CSMD1: variants seen among roughly 807,000 people sequenced by gnomAD.
CSMD1 encodes CUB and sushi domain-containing protein 1.
CSMD1 carries 213 observed loss-of-function variants against 417.5 expected under a neutral mutation model. That is an observed-to-expected ratio of 0.51 (90% CI 0.46 to 0.57). The LOEUF (loss-of-function observed/expected upper bound fraction) is 0.57, where lower values mean the gene tolerates loss of function less well. CSMD1 is among the 20% of genes least tolerant of loss of function. CSMD1 has a pLI of 0.00. For synonymous variants in CSMD1, 2,862 were observed against 1,736.8 expected (o/e 1.65, Z -16.11); for missense variants, 6,923 against 4,529.7 (o/e 1.53, Z -15.17).
At chr8:3,893,875 T>C (rs978248234) in intron 5 of CSMD1, among the ~76,000 whole-genome samples, 2 of 152,080 alleles carry the variant, frequency 1.3e-5, no homozygotes, top group Non-Finnish European at 2.9e-5. Context: ...ACACCCCTGG[T>C]TGGAGATTTA....
chr8:3,182,192 A>T (rs146722593), intron 36 of CSMD1, among the ~76,000 whole-genome samples: 32 of 152,328 alleles, frequency 2.1e-4, no homozygotes, highest in African/African-American at 6.7e-4. Context: ...ACATTATTGA[A>T]AAGATAAGAT....
chr8:4,904,956 T>C lies in CSMD1; in HGVS notation c.85+89376A>G, dbSNP rs77882784. ...AGGGCCTCTTTGGGACAAGGGACCATGCCGCCGCTTCAACCAACATAGTAC... is the reference window on the plus strand; with the variant it reads ...AGGGCCTCTTTGGGACAAGGGACCACGCCGCCGCTTCAACCAACATAGTAC... On this transcript the variant is annotated intron_variant, in intron 1 of 69. Coordinates refer to ENST00000635120, the MANE Select transcript of CSMD1 (RefSeq NM_033225.6). Among the ~76,000 whole-genome samples the C allele has an allele frequency of 7.7e-3, 1,176 of 152,264 alleles. 6 individuals are homozygous for C. The highest frequency in any genetic ancestry group is 0.014 in the Middle Eastern group (4 of 294).
intron 10 of CSMD1, among the ~76,000 whole-genome samples, chr8:3,547,366 A>G (rs974580553): frequency 3.3e-5 from 5 of 152,216 alleles, no homozygotes; most frequent in Non-Finnish European, 5.9e-5. Flanking sequence ...AAATATCAAA[A>G]CCATTTAGTT....
chr8:3,700,200 C>T (rs74405538), intron 7 of CSMD1, among the ~76,000 whole-genome samples: 2,810 of 152,242 alleles, frequency 0.018, 81 homozygotes, highest in African/African-American at 0.065. Flanking sequence ...CACAAATCAC[C>T]ACTGAAGAGC....
intron 50 of CSMD1, among the ~76,000 whole-genome samples, chr8:3,038,590 T>G (rs774482319): frequency 2.6e-5 from 4 of 152,230 alleles, no homozygotes; most frequent in Non-Finnish European, 4.4e-5. Context: ...TTTCACATGT[T>G]GCCTGCTTTT....
chr8:2,946,492 T>G (rs1429947561), intron 68 of CSMD1, among the ~76,000 whole-genome samples: 3 of 152,202 alleles, frequency 2.0e-5, no homozygotes, highest in African/African-American at 4.8e-5. Context: ...CATAGACTAT[T>G]TGGCCTTTTT....
chr8:3,539,184 G>A (rs762415504), intron 10 of CSMD1, among the ~76,000 whole-genome samples: 1 of 152,060 alleles, frequency 6.6e-6, no homozygotes, highest in African/African-American at 2.4e-5. Flanking sequence ...TCTTGCATTT[G>A]CTGTAATTTA....
chr8:4,407,324 A>G (rs1033745673), intron 3 of CSMD1, among the ~76,000 whole-genome samples: 3 of 152,246 alleles, frequency 2.0e-5, no homozygotes, highest in African/African-American at 7.2e-5. Flanking sequence ...AAGGGATGAA[A>G]TGAAAACATA....
At chr8:4,049,982 T>C (rs1798339838) in intron 3 of CSMD1, among the ~76,000 whole-genome samples, 1 of 152,220 alleles carries the variant, frequency 6.6e-6, no homozygotes, top group African/African-American at 2.4e-5. Context: ...GGGCAGCTTC[T>C]CGGACCTCCC....
At chr8:4,841,653 G>A (rs1263677318) in intron 1 of CSMD1, among the ~76,000 whole-genome samples, 6 of 152,112 alleles carry the variant, frequency 3.9e-5, no homozygotes, top group Admixed American at 1.3e-4. Flanking sequence ...GCTCACGCCT[G>A]TAATCCCAGC....
chr8:3,954,657 T>C (rs1036695545), intron 5 of CSMD1, among the ~76,000 whole-genome samples: 12 of 152,218 alleles, frequency 7.9e-5, no homozygotes, highest in Admixed American at 2.0e-4. Flanking sequence ...CCACCGCACC[T>C]GGCCGGATCC....
At chr8:3,547,174 C>G (rs1297742448) in intron 10 of CSMD1, among the ~76,000 whole-genome samples, 4 of 152,206 alleles carry the variant, frequency 2.6e-5, no homozygotes, top group Non-Finnish European at 5.9e-5. Flanking sequence ...AGATGAATAC[C>G]TTGTCTTACA....
intron 4 of CSMD1, among the ~76,000 whole-genome samples, chr8:4,006,019 T>A (rs1002250432): frequency 6.6e-6 from 1 of 152,028 alleles, no homozygotes; most frequent in Admixed American, 6.5e-5. Flanking sequence ...GAAAACACAA[T>A]ATTTAGGACA....
At chr8:3,919,348 T>C (rs1293356589) in intron 5 of CSMD1, among the ~76,000 whole-genome samples, 2 of 152,238 alleles carry the variant, frequency 1.3e-5, no homozygotes, top group East Asian at 1.9e-4. Context: ...TTCATTCCTC[T>C]GCACGACATA....
At chr8:3,695,580 G>A (rs971137710) in intron 7 of CSMD1, among the ~76,000 whole-genome samples, 4 of 152,068 alleles carry the variant, frequency 2.6e-5, no homozygotes, top group African/African-American at 9.7e-5. Flanking sequence ...ATATTATTTT[G>A]AAGGATGATA....
chr8:3,853,198 T>A (rs1804034167), intron 5 of CSMD1, among the ~76,000 whole-genome samples: 1 of 152,104 alleles, frequency 6.6e-6, no homozygotes, highest in Non-Finnish European at 1.5e-5. Flanking sequence ...TCCTTCACGA[T>A]TGCATGTTTT....
chr8:4,445,918 G>A (rs1239201448), intron 2 of CSMD1, among the ~76,000 whole-genome samples: 1 of 152,186 alleles, frequency 6.6e-6, no homozygotes, highest in Non-Finnish European at 1.5e-5. Flanking sequence ...CGTGACCTGG[G>A]CCTTTCAGCT....
At chr8:2,991,927 C>G in intron 54 of CSMD1, among the ~76,000 whole-genome samples, 1 of 152,100 alleles carries the variant, frequency 6.6e-6, no homozygotes, top group African/African-American at 2.4e-5. Context: ...CAGCGAAAAC[C>G]TGACGTTATT....
chr8:4,354,992 G>T (rs2128903746), intron 3 of CSMD1, among the ~76,000 whole-genome samples: 1 of 151,858 alleles, frequency 6.6e-6, no homozygotes, highest in South Asian at 2.1e-4. Flanking sequence ...GCCAGGCACG[G>T]TGGCTCACGC....
Sources: gnomAD v4.1 joint callset for allele counts (sites outside exome capture counted in the v4.1 genomes callset) on GRCh38, gnomAD v4.1.1 for gene constraint, MANE v1.5 for transcripts, NCBI Gene and HGNC (gene_info 2026-07-23, HGNC 2026-07-21) for gene names.